Variants in KCNAB1 observed in about 807,000 individuals in gnomAD.
KCNAB1 encodes voltage-gated potassium channel subunit beta-1.
A neutral mutation model predicts 64.6 loss-of-function variants in KCNAB1; 35 were observed. The ratio of observed to expected loss-of-function variants is 0.54; its 90% CI spans 0.41 to 0.72. KCNAB1 has a LOEUF of 0.72. Among genes scored for constraint, KCNAB1 ranks in the 30% least tolerant of loss-of-function variants. The pLI, the probability that KCNAB1 is intolerant of heterozygous loss-of-function variation, is 0.00. For synonymous variants in KCNAB1, 177 were observed against 183.8 expected (o/e 0.96, Z 0.30); for missense variants, 401 against 512.9 (o/e 0.78, Z 2.11).
At chr3:156,381,238 G>A (rs1008342899) in intron 1 of KCNAB1, among the ~76,000 whole-genome samples, 1 of 152,148 alleles carries the variant, frequency 6.6e-6, no homozygotes, top group South Asian at 2.1e-4. Context: ...GATAGGTGGT[G>A]ATATCTGAAC....
chr3:156,217,465 T>G (rs1017376471), intron 1 of KCNAB1, among the ~76,000 whole-genome samples: 2 of 152,244 alleles, frequency 1.3e-5, no homozygotes, highest in Non-Finnish European at 2.9e-5. Context: ...TCTTAAGACC[T>G]GAGTAAAAAG....
At chr3:156,277,421 A>T (rs909590624) in intron 1 of KCNAB1, among the ~76,000 whole-genome samples, 1 of 152,184 alleles carries the variant, frequency 6.6e-6, no homozygotes, top group East Asian at 1.9e-4. Flanking sequence ...GTTGTTCACA[A>T]CTTTTCAGTT....
At chr3:156,225,334 A>G (rs1308570896) in intron 1 of KCNAB1, among the ~76,000 whole-genome samples, 1 of 152,236 alleles carries the variant, frequency 6.6e-6, no homozygotes, top group African/African-American at 2.4e-5. Flanking sequence ...GACCTTCTCA[A>G]TAGATGCAGA....
intron 8 of KCNAB1, among the ~76,000 whole-genome samples, chr3:156,486,423 C>G (rs925731297): frequency 6.6e-6 from 1 of 152,106 alleles, no homozygotes; most frequent in Non-Finnish European, 1.5e-5. Context: ...CTCCATCCAC[C>G]CCAGCATGGG....
At position 156,434,195 on chromosome 3, in the gene KCNAB1, G is replaced by A. The variant is rs527679205; in HGVS notation, c.319+12536G>A. Among the ~76,000 whole-genome samples, 6 of 152,302 alleles carry A rather than the reference G, an allele frequency of 3.9e-5. No homozygotes were observed. The East Asian group carries it at 1.2e-3, about 29-fold the overall frequency. On this transcript the variant is annotated intron_variant, in intron 2 of 13. Transcript: ENST00000490337. The stretch of plus-strand genomic sequence containing the variant: ...TATCTGTTGTGTGATTGGGAGTCAT[G>A]AAAACATTTAACTCCAGGAGTCACT...
chr3:156,233,421 T>A (rs1189201926), intron 1 of KCNAB1, among the ~76,000 whole-genome samples: 1 of 151,970 alleles, frequency 6.6e-6, no homozygotes, highest in Non-Finnish European at 1.5e-5. Context: ...CAGGAGTGTG[T>A]CCAATGAACT....
At chr3:156,165,256 C>A (rs1711508760) in intron 1 of KCNAB1, among the ~76,000 whole-genome samples, 1 of 112,618 alleles carries the variant, frequency 8.9e-6, no homozygotes, top group Admixed American at 1.3e-4. Flanking sequence ...CCAGCCTGGG[C>A]GACAGAGCGA....
intron 8 of KCNAB1, among the ~76,000 whole-genome samples, chr3:156,490,319 G>A (rs750212595): frequency 7.2e-5 from 11 of 152,090 alleles, no homozygotes; most frequent in South Asian, 2.1e-4. Context: ...GACAAACACC[G>A]TTCAAGCACA....
chr3:156,173,018 G>A (rs1209102916), intron 1 of KCNAB1, among the ~76,000 whole-genome samples: 4 of 152,126 alleles, frequency 2.6e-5, no homozygotes, highest in Admixed American at 2.6e-4. Context: ...TTGCTTCTAG[G>A]GAAAGACATG....
At chr3:156,529,489 G>GT (rs1044372634) in intron 12 of KCNAB1, among the ~76,000 whole-genome samples, 1 of 116,570 alleles carries the variant, frequency 8.6e-6, no homozygotes, top group African/African-American at 2.8e-5. Context: ...AATAAAGTTG[G>GT]TTAAAAAAAA....
At chr3:156,367,002 G>C (rs1286232240) in intron 1 of KCNAB1, among the ~76,000 whole-genome samples, 1 of 152,138 alleles carries the variant, frequency 6.6e-6, no homozygotes, top group Non-Finnish European at 1.5e-5. Flanking sequence ...AAAGCAGAAA[G>C]TCATAATATT....
At chr3:156,315,996 GCA>G (rs775332019) in intron 1 of KCNAB1, among the ~76,000 whole-genome samples, 1 of 152,154 alleles carries the variant, frequency 6.6e-6, no homozygotes, top group Admixed American at 6.5e-5. Flanking sequence ...GTGTTCACAT[GCA>G]CACACATATA....
chr3:156,449,370 G>T (rs1052485062), intron 2 of KCNAB1, among the ~76,000 whole-genome samples: 1 of 152,034 alleles, frequency 6.6e-6, no homozygotes, highest in African/African-American at 2.4e-5. Context: ...AGGGTGGTTG[G>T]TTTTTTTCAG....
chr3:156,390,563 T>TC (rs745521659), intron 1 of KCNAB1, among the ~76,000 whole-genome samples: 2 of 151,070 alleles, frequency 1.3e-5, no homozygotes, highest in Non-Finnish European at 3.0e-5. Context: ...CCTCCCTCCC[T>TC]CTCTCCTTCC....
In KCNAB1 at chr3:156,281,118, T is replaced by C. The variant is rs1719687959; in HGVS notation, c.276-140498T>C. ...CTGTGGGTTTGTCATAGATAGCTCT[T>C]ATTATTTTGAAATATGTCCCATCAA... is the stretch of plus-strand genomic sequence containing the variant. On this transcript the variant is annotated intron_variant, in intron 1 of 13. Transcript: ENST00000490337. 2.0e-5 allele frequency among the ~76,000 whole-genome samples: 3 copies of C among 149,720 alleles called. No homozygotes were observed. In the South Asian group the frequency reaches 6.4e-4, roughly 32 times the overall value.
intron 1 of KCNAB1, among the ~76,000 whole-genome samples, chr3:156,237,147 G>T (rs145095314): frequency 6.6e-6 from 1 of 152,060 alleles, no homozygotes; most frequent in Admixed American, 6.5e-5. Context: ...ATTGGTTTTA[G>T]CCCCTCATAT....
intron 1 of KCNAB1, among the ~76,000 whole-genome samples, chr3:156,345,512 C>A (rs1724427384): frequency 6.6e-6 from 1 of 152,118 alleles, no homozygotes; most frequent in Non-Finnish European, 1.5e-5. Flanking sequence ...GGATTCAAGG[C>A]AATGAGAATG....
At chr3:156,273,076 C>A (rs1719126226) in intron 1 of KCNAB1, among the ~76,000 whole-genome samples, 1 of 151,722 alleles carries the variant, frequency 6.6e-6, no homozygotes, top group Non-Finnish European at 1.5e-5. Context: ...CGAGCTGATA[C>A]CCTAGTTTTA....
chr3:156,361,348 C>T (rs914238041), intron 1 of KCNAB1, among the ~76,000 whole-genome samples: 10 of 152,094 alleles, frequency 6.6e-5, no homozygotes, highest in African/African-American at 1.9e-4. Flanking sequence ...CCATCAGCAC[C>T]GGCTCCCTAT....
Sources: allele counts gnomAD v4.1 joint callset (sites outside exome capture counted in the v4.1 genomes callset), GRCh38; gene constraint gnomAD v4.1.1; transcripts MANE v1.5; gene names NCBI Gene and HGNC (gene_info 2026-07-23, HGNC 2026-07-21).